MYOC: variants seen among roughly 807,000 people sequenced by gnomAD.
MYOC encodes the protein myocilin.
In MYOC, 29 loss-of-function variants were observed where a neutral mutation model predicts 28.2. The observed-to-expected ratio is 1.03, with a 90% CI of 0.77 to 1.40. MYOC has a LOEUF of 1.40. Among genes scored for constraint, MYOC ranks in the 40% most tolerant of loss-of-function variants. MYOC has a pLI of 0.00. For missense variants in MYOC, 569 were observed against 620.6 expected (o/e 0.92, Z 0.88); for synonymous variants, 240 against 245.6 (o/e 0.98, Z 0.21).
chr1:171,638,426 G>A (rs1321544241), intron 2 of MYOC, among the ~76,000 whole-genome samples, 171 bp downstream of exon 2: 1 of 152,142 alleles, frequency 6.6e-6, no homozygotes, highest in East Asian at 1.9e-4. Context: ...TCTGACAAGG[G>A]AACAGAGAGA....
intron 2 of MYOC, 93 bp downstream of exon 2, chr1:171,638,504 G>T: frequency 1.4e-6 from 2 of 1,464,640 alleles, no homozygotes; most frequent in Non-Finnish European, 9.5e-7. Context: ...TCCCCCTTGG[G>T]TGGGCATTTA....
rs1376748868 is a variant in MYOC at position 171,652,095 on chromosome 1, T to C, written c.517A>G (p.Ser173Gly). Reference sequence around the variant, plus strand: ...CTCAGCCTTGCTACCTCCTGGCTGCTGCTTTCCAACCTCCTGGCCAGATTC... The same window carrying C: ...CTCAGCCTTGCTACCTCCTGGCTGCCGCTTTCCAACCTCCTGGCCAGATTC... Reference protein sequence around the residue: ...NENLARRLESSSQEVARLRRG... With the variant: ...NENLARRLESGSQEVARLRRG... Residue 173 changes from serine (S) to glycine (G), a missense_variant, in exon 1 of 3, where the codon AGC becomes GGC. Transcript: ENST00000037502. 1 of 1,614,078 alleles carries C rather than the reference T, an allele frequency of 6.2e-7. No homozygotes were observed.
intron 1 of MYOC, among the ~76,000 whole-genome samples, chr1:171,644,908 C>T (rs1264561823): frequency 6.6e-6 from 1 of 152,164 alleles, no homozygotes; most frequent in Non-Finnish European, 1.5e-5. Context: ...CAAGGTCACA[C>T]AGCTAAGTGG....
chr1:171,652,048 G>GT lies in MYOC; in HGVS notation c.563_564insA (p.Arg189ProfsTer33). The GT allele has an allele frequency of 6.2e-7, 1 of 1,614,170 alleles. No homozygotes were observed. The highest frequency in any genetic ancestry group is 1.7e-5 in the Admixed American group (1 of 60,022). Reference sequence around the variant, plus strand: ...GTGGCACAGCCCGAGCAGTGTCTCGGGTCTGGGGACACTGGCCCCTTCTCA... The same window carrying GT: ...GTGGCACAGCCCGAGCAGTGTCTCGGTGTCTGGGGACACTGGCCCCTTCTCA... On this transcript the variant is annotated frameshift_variant, in exon 1 of 3. Coordinates refer to ENST00000037502, the MANE Select transcript of MYOC (RefSeq NM_000261.2). LOFTEE classifies it high-confidence loss of function.
Position 171,635,954 on chromosome 1 carries a change from T to A in MYOC, c.1486A>T (p.Thr496Ser), listed in dbSNP as rs1239668610. The stretch of plus-strand genomic sequence containing the variant: ...ATCTTGGAGAGCTTGATGTCATAAG[T>A]GACCATGTTCAAGTTGTCCCAGGCA... ...LFAWDNLNMV[T>S]YDIKLSKM is the part of the protein sequence containing the mutation. Residue 496 changes from threonine (T) to serine (S), a missense_variant, in exon 3 of 3, where the codon ACT becomes TCT. Physicochemically the swap from Thr to Ser is moderately conservative, Grantham distance 58 (BLOSUM62 1). Transcript: ENST00000037502. The A allele has an allele frequency of 1.2e-6, 2 of 1,614,212 alleles. No homozygotes were observed. The highest frequency in any genetic ancestry group is 1.7e-5 in the Admixed American group (1 of 60,028).
chr1:171,641,983 A>T (rs917866801), intron 1 of MYOC, among the ~76,000 whole-genome samples: 6 of 152,238 alleles, frequency 3.9e-5, no homozygotes, highest in Admixed American at 1.3e-4. Context: ...ACATTTTCAC[A>T]TCTCCAGAGT....
chr1:171,643,063 C>T (rs235873), intron 1 of MYOC, among the ~76,000 whole-genome samples: 88,480 of 151,838 alleles, frequency 0.58, 25,990 homozygotes, highest in East Asian at 0.75. Context: ...TCATTCCCTG[C>T]GTCTCCTTCT....
Position 171,638,680 on chromosome 1 carries a change from T to G in MYOC, c.647A>C (p.Lys216Thr). ...NLDTLAFQEL[K>T]SELTEVPASR... Reference sequence around the variant, plus strand: ...AGCAGGAACTTCAGTTAGCTCGGACTTCAGTTCCTGGAAGGCCAAAGTGTC... The same window carrying G: ...AGCAGGAACTTCAGTTAGCTCGGACGTCAGTTCCTGGAAGGCCAAAGTGTC... The change falls in exon 2 of 3, where the codon AAG becomes ACG. Residue 216 changes from lysine (K) to threonine (T), a missense_variant. By Grantham distance (78) the Lys-to-Thr change is moderately conservative. Coordinates refer to ENST00000037502, the MANE Select transcript of MYOC (RefSeq NM_000261.2). 6.2e-7 allele frequency: 1 copy of G among 1,614,180 alleles called. No homozygotes were observed. Among genetic ancestry groups the G allele is most frequent in the Non-Finnish European group, 8.5e-7 (1 of 1,180,012 alleles).
intron 1 of MYOC, among the ~76,000 whole-genome samples, chr1:171,651,526 C>T (rs1572216940): frequency 6.6e-6 from 1 of 152,194 alleles, no homozygotes; most frequent in Non-Finnish European, 1.5e-5. Context: ...GAGGTGCCAT[C>T]TCTTTATTTT....
At chr1:171,650,901 T>C (rs2102950630) in intron 1 of MYOC, among the ~76,000 whole-genome samples, 1 of 152,300 alleles carries the variant, frequency 6.6e-6, no homozygotes, top group African/African-American at 2.4e-5. Context: ...CCTGGGTACT[T>C]AAGCATGTAT....
At chr1:171,650,104 A>G (rs1653317381) in intron 1 of MYOC, among the ~76,000 whole-genome samples, 1 of 152,176 alleles carries the variant, frequency 6.6e-6, no homozygotes. Flanking sequence ...TCAAGAAAAA[A>G]TATAAAATTA....
At chr1:171,638,574 A>C in intron 2 of MYOC, 23 bp downstream of exon 2, 1 of 1,613,610 alleles carries the variant, frequency 6.2e-7, no homozygotes, top group African/African-American at 1.3e-5. Flanking sequence ...TGGGCACAAA[A>C]GGGAAGAAAC....
At chr1:171,640,405 A>C (rs1454704024) in intron 1 of MYOC, among the ~76,000 whole-genome samples, 1 of 152,102 alleles carries the variant, frequency 6.6e-6, no homozygotes, top group African/African-American at 2.4e-5. Flanking sequence ...TACAAGGATG[A>C]GGCAATAGTC....
Position 171,652,088 on chromosome 1 carries a change from T to C in MYOC, c.524A>G (p.Gln175Arg), listed in dbSNP as rs765906719. The C allele has an allele frequency of 6.2e-7, 1 of 1,614,214 alleles. No homozygotes were observed. Among genetic ancestry groups the C allele is most frequent in the South Asian group, 1.1e-5 (1 of 91,086 alleles). Residue 175 changes from glutamine to arginine, a missense_variant, in exon 1 of 3, where the codon CAG (glutamine) becomes CGG (arginine). By Grantham distance (43) the Gln-to-Arg change is conservative. Transcript: ENST00000037502. Reference protein sequence around the residue: ...NLARRLESSSQEVARLRRGQC... With the variant: ...NLARRLESSSREVARLRRGQC... ...GCCCCTTCTCAGCCTTGCTACCTCC[T>C]GGCTGCTGCTTTCCAACCTCCTGGC... is the stretch of plus-strand genomic sequence containing the variant.
chr1:171,645,213 C>T (rs980012656), intron 1 of MYOC, among the ~76,000 whole-genome samples: 1 of 152,128 alleles, frequency 6.6e-6, no homozygotes, highest in Non-Finnish European at 1.5e-5. Context: ...AGCCACGGAC[C>T]CAGAGCGAAG....
At chr1:171,651,340 C>T (rs1178163398) in intron 1 of MYOC, among the ~76,000 whole-genome samples, 2 of 141,442 alleles carry the variant, frequency 1.4e-5, no homozygotes, top group East Asian at 2.2e-4. Context: ...ACCTCACCCC[C>T]GCACCCCCCC....
Position 171,635,721 on chromosome 1 carries a change from T to C in MYOC, c.*204A>G, listed in dbSNP as rs1652901566. ...AAATGCTGACAGAAGATAAAGGATATTTATTATATGAAATTGTCTACGCCC... is the reference window on the plus strand; with the variant it reads ...AAATGCTGACAGAAGATAAAGGATACTTATTATATGAAATTGTCTACGCCC... On this transcript the variant is annotated 3_prime_UTR_variant, in exon 3 of 3. Transcript: ENST00000037502. 1 of 607,874 alleles carries C rather than the reference T, an allele frequency of 1.6e-6. No homozygotes were observed. The highest frequency in any genetic ancestry group is 2.9e-5 in the Admixed American group (1 of 34,184). The allele number at this position is 607,874 out of a possible 1,614,324, so 37.7% of individuals were successfully genotyped here. A position where few individuals can be genotyped will look rare whatever the true frequency, so the allele number is the denominator to read the frequency against.
At chr1:171,636,842 CTAG>C in intron 2 of MYOC, 133 bp from the exon 3 acceptor site, 1 of 950,484 alleles carries the variant, frequency 1.1e-6, no homozygotes, top group Non-Finnish European at 1.6e-6. Context: ...GGGTTTAAAG[CTAG>C]GCTCTACCAC....
chr1:171,647,831 G>A (rs183847618), intron 1 of MYOC, among the ~76,000 whole-genome samples: 35 of 152,190 alleles, frequency 2.3e-4, no homozygotes, highest in Middle Eastern at 6.8e-3. Context: ...TATCACCTGC[G>A]GGGACCTCGC....
Sources: gnomAD v4.1 joint callset for allele counts (sites outside exome capture counted in the v4.1 genomes callset) on GRCh38, gnomAD v4.1.1 for gene constraint, MANE v1.5 for transcripts, NCBI Gene and HGNC (gene_info 2026-07-23, HGNC 2026-07-21) for gene names.